Variants in SCCPDH observed in about 807,000 individuals in gnomAD.
SCCPDH encodes the protein saccharopine dehydrogenase (putative).
In SCCPDH, 34 loss-of-function variants were observed where a neutral mutation model predicts 51.5. The ratio of observed to expected loss-of-function variants is 0.66; its 90% CI spans 0.50 to 0.88. SCCPDH has a LOEUF of 0.88. Among genes scored for constraint, SCCPDH ranks in the 40% least tolerant of loss-of-function variants. The pLI is 0.00. For missense variants in SCCPDH, 464 were observed against 527.1 expected (o/e 0.88, Z 1.17); for synonymous variants, 187 against 191.3 (o/e 0.98, Z 0.19).
intron 4 of SCCPDH, among the ~76,000 whole-genome samples, chr1:246,742,635 AGTT>A (rs1668698192): frequency 6.6e-6 from 1 of 152,170 alleles, no homozygotes; most frequent in African/African-American, 2.4e-5. Context: ...ATCTGGCTGT[AGTT>A]CTCTTCTGCT....
intron 2 of SCCPDH, among the ~76,000 whole-genome samples, chr1:246,729,558 T>C (rs1668459774): frequency 6.6e-6 from 1 of 152,234 alleles, no homozygotes; most frequent in African/African-American, 2.4e-5. Context: ...TTATCTCCCT[T>C]GTTCCCTGAA....
chr1:246,763,646 TC>T (rs1409538851), intron 9 of SCCPDH, among the ~76,000 whole-genome samples: 3 of 152,264 alleles, frequency 2.0e-5, no homozygotes, highest in African/African-American at 7.2e-5. Flanking sequence ...TGTTTATCTC[TC>T]TCTCCCCCCC....
At chr1:246,738,972 A>G (rs1668638465) in intron 3 of SCCPDH, among the ~76,000 whole-genome samples, 1 of 152,102 alleles carries the variant, frequency 6.6e-6, no homozygotes, top group Non-Finnish European at 1.5e-5. Context: ...TGTGTGACTG[A>G]GTGTGTTAAT....
At chr1:246,751,077 A>G (rs1668845406) in intron 5 of SCCPDH, among the ~76,000 whole-genome samples, 2 of 152,200 alleles carry the variant, frequency 1.3e-5, no homozygotes, top group Non-Finnish European at 2.9e-5. Flanking sequence ...GGCAGTATCC[A>G]TTTTCCTTCA....
At chr1:246,729,425 T>C (rs1487037978) in intron 2 of SCCPDH, among the ~76,000 whole-genome samples, 2 of 152,170 alleles carry the variant, frequency 1.3e-5, no homozygotes, top group African/African-American at 4.8e-5. Context: ...TGGGAATGCA[T>C]TCCTTTCCCA....
At chr1:246,758,805 T>A (rs1668968875) in intron 6 of SCCPDH, among the ~76,000 whole-genome samples, 1 of 152,164 alleles carries the variant, frequency 6.6e-6, no homozygotes, top group African/African-American at 2.4e-5. Context: ...GGTTGGGCTG[T>A]TGAAAGGAGC....
chr1:246,749,540 G>A (rs955008727), intron 5 of SCCPDH, among the ~76,000 whole-genome samples: 3 of 152,162 alleles, frequency 2.0e-5, no homozygotes, highest in Non-Finnish European at 2.9e-5. Flanking sequence ...GAAGAACTCT[G>A]GGGAGCAGCA....
At position 246,760,058 on chromosome 1, in the gene SCCPDH, A is replaced by G. The variant is rs1439552349; in HGVS notation, c.915A>G (p.Gly305=). 1 of 1,612,672 alleles carries G rather than the reference A, an allele frequency of 6.2e-7. No homozygotes were observed. ...FFLFFVRFGI[G]RQLLIKFPWF... Reference sequence around the variant, plus strand: ...TGTTCTTTGTGAGGTTTGGAATTGGAAGGCAACTTCTCATAAAAGTAAGTA... The same window carrying G: ...TGTTCTTTGTGAGGTTTGGAATTGGGAGGCAACTTCTCATAAAAGTAAGTA... Residue 305 remains glycine (G), a synonymous_variant, in exon 8 of 12, where the codon GGA becomes GGG. Transcript: ENST00000366510.
intron 2 of SCCPDH, among the ~76,000 whole-genome samples, chr1:246,731,386 A>G (rs1668487815): frequency 6.6e-6 from 1 of 152,268 alleles, no homozygotes; most frequent in Non-Finnish European, 1.5e-5. Context: ...TTATTTTAAT[A>G]AGCTCATTAA....
At chr1:246,743,454 G>A (rs1222953677) in intron 4 of SCCPDH, among the ~76,000 whole-genome samples, 2 of 151,862 alleles carry the variant, frequency 1.3e-5, no homozygotes, top group Non-Finnish European at 2.9e-5. Flanking sequence ...ATGGTGGTAC[G>A]CGCCTGTAAT....
At chr1:246,751,471 G>A (rs1668849977) in intron 5 of SCCPDH, among the ~76,000 whole-genome samples, 1 of 152,074 alleles carries the variant, frequency 6.6e-6, no homozygotes, top group Non-Finnish European at 1.5e-5. Context: ...TTTAATGTAG[G>A]TAAAAATCCA....
intron 5 of SCCPDH, among the ~76,000 whole-genome samples, chr1:246,747,334 G>T (rs1036287035): frequency 1.3e-5 from 2 of 152,144 alleles, no homozygotes; most frequent in Admixed American, 6.6e-5. Flanking sequence ...TAAGCCAGTT[G>T]ATGTGACCTG....
At chr1:246,727,551 G>A (rs947395159) in intron 2 of SCCPDH, among the ~76,000 whole-genome samples, 1 of 152,156 alleles carries the variant, frequency 6.6e-6, no homozygotes, top group African/African-American at 2.4e-5. Context: ...TGTAATAGGA[G>A]GTAATGAAAA....
intron 2 of SCCPDH, among the ~76,000 whole-genome samples, chr1:246,729,479 A>G (rs1340855272): frequency 3.3e-5 from 5 of 152,166 alleles, no homozygotes; most frequent in South Asian, 2.1e-4. Flanking sequence ...TATTTCTCCT[A>G]TTCGCTTTCT....
At chr1:246,727,053 C>A in intron 2 of SCCPDH, 49 bp downstream of exon 2, 1 of 1,347,250 alleles carries the variant, frequency 7.4e-7, no homozygotes, top group Non-Finnish European at 1.1e-6. Context: ...CCATTCATTT[C>A]TAGCAAAATA....
chr1:246,764,562 G>GT (rs1418346741), intron 10 of SCCPDH, among the ~76,000 whole-genome samples: 2 of 152,192 alleles, frequency 1.3e-5, no homozygotes, highest in African/African-American at 4.8e-5. Flanking sequence ...CCCTCTGGCT[G>GT]TTTTTGGAGT....
chr1:246,748,761 C>G (rs1051161645), intron 5 of SCCPDH, among the ~76,000 whole-genome samples: 4 of 152,128 alleles, frequency 2.6e-5, no homozygotes, highest in Non-Finnish European at 4.4e-5. Flanking sequence ...ATGTGGGGCA[C>G]TTCTTTTATG....
Position 246,735,969 on chromosome 1 carries a change from C to T in SCCPDH, c.304-6C>T. 1 of 1,591,116 alleles carries T rather than the reference C, an allele frequency of 6.3e-7. No individual in the cohort carries two copies. Among genetic ancestry groups the T allele is most frequent in the Non-Finnish European group, 8.6e-7 (1 of 1,162,870 alleles). ...AATAACCTCTTTGTTCTTTTTGTTT[C>T]CCTAGTATCGGTTTTATGGAGAACC... On this transcript the variant is annotated splice_polypyrimidine_tract_variant and splice_region_variant and intron_variant, in intron 2 of 11. Coordinates refer to ENST00000366510, the MANE Select transcript of SCCPDH (RefSeq NM_016002.3).
intron 2 of SCCPDH, among the ~76,000 whole-genome samples, chr1:246,735,297 A>G: frequency 6.6e-6 from 1 of 152,170 alleles, no homozygotes; most frequent in East Asian, 1.9e-4. Context: ...TTCCTGCTTC[A>G]AGCAACAGGA....
Sources: allele counts gnomAD v4.1 joint callset (sites outside exome capture counted in the v4.1 genomes callset), GRCh38; gene constraint gnomAD v4.1.1; transcripts MANE v1.5; gene names NCBI Gene and HGNC (gene_info 2026-07-23, HGNC 2026-07-21).